Variants in ERBIN observed in about 807,000 individuals in gnomAD.
The protein encoded by ERBIN is densin-180-like protein.
A neutral mutation model predicts 158.4 loss-of-function variants in ERBIN; 60 were observed. The ratio of observed to expected loss-of-function variants is 0.38; its 90% CI spans 0.31 to 0.47. The LOEUF is 0.47. ERBIN is among the 20% of genes least tolerant of loss of function. The probability of loss-of-function intolerance (pLI) is 0.99; values close to 1 mark genes in which losing one functional copy is unlikely to be tolerated. For missense variants in ERBIN, 1,610 were observed against 1,648.0 expected, an observed-to-expected ratio of 0.98 and a Z score of 0.40; for synonymous variants, 594 against 557.2, an observed-to-expected ratio of 1.07 and a Z score of -0.93.
In ERBIN at chr5:66,078,470, C is replaced by T; in HGVS notation, c.4179C>T (p.Ser1393=). The T allele has an allele frequency of 6.3e-7, 1 of 1,597,388 alleles. No individual in the cohort carries two copies. Among genetic ancestry groups the T allele is most frequent in the Non-Finnish European group, 8.5e-7 (1 of 1,175,282 alleles). ...FINIEHGQAV[S]LLKTFQNTVE... ...ATATTGAACATGGACAAGCAGTGTC[C>T]TTGCTAAAAACTTTCCAGAATACAG... is the stretch of plus-strand genomic sequence containing the variant. Residue 1393 remains serine, a synonymous_variant, in exon 26 of 26, where the codon TCC becomes TCT. Transcript: ENST00000284037.
intron 14 of ERBIN, among the ~76,000 whole-genome samples, chr5:66,031,676 T>G (rs1231250660): frequency 6.6e-6 from 1 of 151,996 alleles, no homozygotes; most frequent in East Asian, 1.9e-4. Context: ...GCAAATAAAT[T>G]AAAACATTAG....
At chr5:66,044,503 A>G (rs1338082583) in intron 17 of ERBIN, among the ~76,000 whole-genome samples, 193 bp downstream of exon 17, 1 of 151,864 alleles carries the variant, frequency 6.6e-6, no homozygotes, top group Non-Finnish European at 1.5e-5. Flanking sequence ...GGTGGCTCAC[A>G]CCTCTAATCC....
chr5:66,077,130 G>A (rs1288973473), intron 25 of ERBIN, among the ~76,000 whole-genome samples, 181 bp downstream of exon 25: 2 of 137,832 alleles, frequency 1.5e-5, no homozygotes, highest in Admixed American at 1.5e-4. Context: ...CAGCCTGGGC[G>A]ACAGAGCGAG....
chr5:65,965,983 C>T (rs1301252767), intron 1 of ERBIN, among the ~76,000 whole-genome samples: 3 of 152,176 alleles, frequency 2.0e-5, no homozygotes, highest in Non-Finnish European at 4.4e-5. Context: ...TGCAGTTAAC[C>T]TCTACTATAA....
chr5:66,012,016 G>A (rs773961339), intron 4 of ERBIN, 33 bp from the exon 5 acceptor site: 2 of 1,368,642 alleles, frequency 1.5e-6, no homozygotes, highest in South Asian at 1.2e-5. Context: ...CTTTGTAATA[G>A]ATCTTTTAAT....
intron 1 of ERBIN, among the ~76,000 whole-genome samples, chr5:65,956,399 A>G (rs1196072386): frequency 9.2e-5 from 3 of 32,534 alleles, no homozygotes; most frequent in East Asian, 3.4e-4. Flanking sequence ...TTTGAGATGG[A>G]GTCTCGCTTC....
At chr5:65,964,945 T>TGTGTG (rs1244833398) in intron 1 of ERBIN, among the ~76,000 whole-genome samples, 1 of 116,602 alleles carries the variant, frequency 8.6e-6, no homozygotes, top group African/African-American at 3.6e-5. Flanking sequence ...TGTGTGTGTG[T>TGTGTG]AATTTTTTTT....
chr5:65,958,155 G>C (rs1747460064), intron 1 of ERBIN, among the ~76,000 whole-genome samples: 1 of 151,428 alleles, frequency 6.6e-6, no homozygotes, highest in South Asian at 2.1e-4. Context: ...CGGGCAGAGG[G>C]GCTCCTCACA....
chr5:66,047,498 A>G lies in ERBIN; in HGVS notation c.1788+960A>G, dbSNP rs117146508. On this transcript the variant is annotated intron_variant, in intron 18 of 25. Transcript: ENST00000284037. ...ATGAAAAATGATTGCACCATTTTAT[A>G]TTCCCTTCATACACTGCTAGTGGTA... Among the ~76,000 whole-genome samples, 6 of 152,154 alleles carry G rather than the reference A, an allele frequency of 3.9e-5. No homozygotes were observed. The East Asian group carries it at 1.2e-3, about 29-fold the overall frequency.
intron 14 of ERBIN, among the ~76,000 whole-genome samples, chr5:66,029,739 G>A (rs1440227662): frequency 1.3e-5 from 2 of 152,074 alleles, no homozygotes; most frequent in African/African-American, 4.8e-5. Flanking sequence ...CGAGTAGCTG[G>A]GACTACAGGC....
chr5:65,980,965 T>G (rs1157870345), intron 1 of ERBIN, among the ~76,000 whole-genome samples: 1 of 152,232 alleles, frequency 6.6e-6, no homozygotes, highest in Non-Finnish European at 1.5e-5. Flanking sequence ...TTGACATTTG[T>G]AGAACATTAT....
chr5:65,927,606 A>T (rs893967321), intron 1 of ERBIN, among the ~76,000 whole-genome samples: 2 of 152,236 alleles, frequency 1.3e-5, no homozygotes, highest in African/African-American at 4.8e-5. Context: ...AGAACAGACG[A>T]TGGGAGGGGA....
At chr5:66,044,061 G>T (rs549549545) in intron 16 of ERBIN, 76 bp from the exon 17 acceptor site, 2 of 1,096,164 alleles carry the variant, frequency 1.8e-6, no homozygotes, top group Admixed American at 5.9e-5. Flanking sequence ...ATTCAGATGG[G>T]TTACAGATTA....
chr5:66,069,025 G>C, intron 21 of ERBIN: 2 of 1,531,278 alleles, frequency 1.3e-6, no homozygotes, highest in Non-Finnish European at 1.7e-6. Context: ...TTTCGAGTGA[G>C]TACCTACACT....
intron 1 of ERBIN, among the ~76,000 whole-genome samples, chr5:65,948,292 A>G (rs1199780680): frequency 2.0e-5 from 3 of 151,486 alleles, no homozygotes; most frequent in Non-Finnish European, 4.4e-5. Flanking sequence ...TTCCCGCCTC[A>G]GCCTCCCAAG....
chr5:66,075,249 A>G lies in ERBIN; in HGVS notation c.3963+19A>G, dbSNP rs1386385992. The G allele has an allele frequency of 7.6e-6, 12 of 1,588,044 alleles. No individual in the cohort carries two copies. Among genetic ancestry groups the G allele is most frequent in the African/African-American group, 2.7e-5 (2 of 74,380 alleles). On this transcript the variant is annotated intron_variant, in intron 23 of 25. Transcript: ENST00000284037. The stretch of plus-strand genomic sequence containing the variant: ...ACAAGAGGTAAGAATAATCAAGACT[A>G]TTTGAAATATGGGACTAAGCTTTTT...
Position 66,012,036 on chromosome 5 carries a change from G to C in ERBIN, c.308-13G>C. The C allele has an allele frequency of 2.6e-6, 4 of 1,529,084 alleles. No homozygotes were observed. Among genetic ancestry groups the C allele is most frequent in the Non-Finnish European group, 3.6e-6 (4 of 1,116,626 alleles). The allele number at this position is 1,529,084 out of a possible 1,614,324, so 94.7% of individuals were successfully genotyped here. On this transcript the variant is annotated splice_polypyrimidine_tract_variant and intron_variant, in intron 4 of 25. Coordinates refer to ENST00000284037, the MANE Select transcript of ERBIN (RefSeq NM_001253697.2). ...TAATAGATCTTTTAATTTGATCGTT[G>C]TTTGTTTTCTAGGAATACAGGAGTT...
chr5:65,990,629 G>A (rs1751768151), intron 2 of ERBIN, among the ~76,000 whole-genome samples: 2 of 149,366 alleles, frequency 1.3e-5, no homozygotes, highest in Non-Finnish European at 3.0e-5. Flanking sequence ...CTGCACTCCA[G>A]CCTGGGTGAC....
chr5:66,069,839 C>T (rs775731349), intron 21 of ERBIN, among the ~76,000 whole-genome samples: 4 of 151,998 alleles, frequency 2.6e-5, no homozygotes, highest in East Asian at 3.9e-4. Context: ...TCTACCTGAG[C>T]GATGGTATCC....
Sources: gnomAD v4.1 joint callset for allele counts (sites outside exome capture counted in the v4.1 genomes callset) on GRCh38, gnomAD v4.1.1 for gene constraint, MANE v1.5 for transcripts, NCBI Gene and HGNC (gene_info 2026-07-23, HGNC 2026-07-21) for gene names.